The following INPP4B variants were observed in gnomAD, a reference collection of about 807,000 sequenced individuals.
INPP4B encodes the protein inositol polyphosphate-4-phosphatase type II B, also known as inositol polyphosphate 4-phosphatase type II.
In INPP4B, 55 loss-of-function variants were observed where a neutral mutation model predicts 122.5. That is an observed-to-expected ratio of 0.45 (90% CI 0.36 to 0.56). The LOEUF (loss-of-function observed/expected upper bound fraction) is 0.56. Among genes scored for constraint, INPP4B ranks in the 20% least tolerant of loss-of-function variants. The pLI is 0.00. For synonymous variants in INPP4B, 403 were observed against 388.7 expected, an observed-to-expected ratio of 1.04 and a Z score of -0.43; for missense variants, 1,000 against 1,097.7, an observed-to-expected ratio of 0.91 and a Z score of 1.26.
chr4:142,300,432 G>A (rs1760909131), intron 9 of INPP4B, among the ~76,000 whole-genome samples: 1 of 152,098 alleles, frequency 6.6e-6, no homozygotes, highest in Admixed American at 6.6e-5. Flanking sequence ...TGAACTTTGT[G>A]TATGTTCATG....
intron 7 of INPP4B, among the ~76,000 whole-genome samples, chr4:142,385,339 T>A (rs1795604301): frequency 6.6e-6 from 1 of 151,898 alleles, no homozygotes; most frequent in South Asian, 2.1e-4. Flanking sequence ...TGATTTTGAT[T>A]TGTATTCTCT....
intron 2 of INPP4B, among the ~76,000 whole-genome samples, chr4:142,675,649 ACAAT>A (rs1757653441): frequency 1.3e-5 from 2 of 152,196 alleles, no homozygotes; most frequent in Non-Finnish European, 2.9e-5. Flanking sequence ...CTTATCCACC[ACAAT>A]CAAGTCAGCT....
intron 2 of INPP4B, among the ~76,000 whole-genome samples, chr4:142,521,142 A>G (rs1826018440): frequency 6.6e-6 from 1 of 151,986 alleles, no homozygotes; most frequent in Non-Finnish European, 1.5e-5. Context: ...AGAGATGAAA[A>G]ATATAATCAG....
chr4:142,099,516 T>C (rs1246653007), intron 23 of INPP4B, among the ~76,000 whole-genome samples: 2 of 152,298 alleles, frequency 1.3e-5, no homozygotes, highest in African/African-American at 4.8e-5. Flanking sequence ...TTTATTACTA[T>C]GTAATAGTCT....
intron 1 of INPP4B, among the ~76,000 whole-genome samples, chr4:142,819,139 A>T (rs1208818483): frequency 6.6e-6 from 1 of 152,166 alleles, no homozygotes. Flanking sequence ...GGGTAGAAAC[A>T]CTTGGGGTAA....
chr4:142,414,467 G>T (rs1805267852), intron 5 of INPP4B, among the ~76,000 whole-genome samples: 1 of 152,140 alleles, frequency 6.6e-6, no homozygotes, highest in Admixed American at 6.6e-5. Context: ...GTGCTCTTGG[G>T]AAATGCTCTT....
chr4:142,051,231 C>T (rs1560944754), intron 25 of INPP4B, among the ~76,000 whole-genome samples: 1 of 151,990 alleles, frequency 6.6e-6, no homozygotes, highest in Non-Finnish European at 1.5e-5. Context: ...ACATTGAATA[C>T]TTTCATTAAA....
Position 142,095,221 on chromosome 4 carries a change from T to C in INPP4B, c.2375-8965A>G, listed in dbSNP as rs181184685. 3.0e-3 allele frequency among the ~76,000 whole-genome samples: 453 copies of C among 152,184 alleles called. 3 individuals are homozygous for C. Among genetic ancestry groups the C allele is most frequent in the Non-Finnish European group, 5.3e-3 (360 of 67,992 alleles). The stretch of plus-strand genomic sequence containing the variant: ...ATGCAGAATTGGGAGAATGATAAAA[T>C]AAAGGCTGAAGAAAAAGTGGACTGG... On this transcript the variant is annotated intron_variant, in intron 23 of 25. Transcript: ENST00000262992.
chr4:142,381,801 C>T (rs566100557), intron 7 of INPP4B, among the ~76,000 whole-genome samples: 35 of 151,984 alleles, frequency 2.3e-4, no homozygotes, highest in Non-Finnish European at 4.4e-4. Flanking sequence ...TTAAATAACC[C>T]GTTCTTTACC....
intron 2 of INPP4B, among the ~76,000 whole-genome samples, chr4:142,576,261 G>A (rs1733821235): frequency 1.3e-5 from 2 of 151,866 alleles, no homozygotes; most frequent in Admixed American, 1.3e-4. Flanking sequence ...AATTGTAAAG[G>A]GCAGAAATAA....
intron 2 of INPP4B, among the ~76,000 whole-genome samples, chr4:142,608,931 T>C (rs181577369): frequency 4.6e-5 from 7 of 152,258 alleles, no homozygotes; most frequent in Non-Finnish European, 1.0e-4. Flanking sequence ...ATGTGTATAT[T>C]TGAATCTTCA....
At chr4:142,651,016 A>G (rs1310526312) in intron 2 of INPP4B, among the ~76,000 whole-genome samples, 7 of 152,198 alleles carry the variant, frequency 4.6e-5, no homozygotes, top group Non-Finnish European at 8.8e-5. Context: ...ATCACAACAA[A>G]CAGTCTCTCA....
At chr4:142,151,366 T>C (rs1348557795) in intron 17 of INPP4B, among the ~76,000 whole-genome samples, 2 of 151,984 alleles carry the variant, frequency 1.3e-5, no homozygotes, top group Admixed American at 1.3e-4. Context: ...ATCCACCAGA[T>C]GAGATTCCCT....
intron 1 of INPP4B, among the ~76,000 whole-genome samples, chr4:142,841,664 A>G (rs1783507109): frequency 6.6e-6 from 1 of 151,932 alleles, no homozygotes; most frequent in Admixed American, 6.6e-5. Flanking sequence ...TTTGAGAAAC[A>G]TAAAAATCTC....
At chr4:142,140,785 C>A (rs1214049689) in intron 18 of INPP4B, among the ~76,000 whole-genome samples, 1 of 151,982 alleles carries the variant, frequency 6.6e-6, no homozygotes, top group African/African-American at 2.4e-5. Context: ...TCTTTAGAAG[C>A]CTGAAGGATA....
chr4:142,602,952 A>G (rs1740375888), intron 2 of INPP4B, among the ~76,000 whole-genome samples: 1 of 152,194 alleles, frequency 6.6e-6, no homozygotes, highest in South Asian at 2.1e-4. Flanking sequence ...AAAGACATGA[A>G]TCGACCTAAA....
chr4:142,792,006 C>A (rs1309841182), intron 1 of INPP4B, among the ~76,000 whole-genome samples: 1 of 152,092 alleles, frequency 6.6e-6, no homozygotes, highest in African/African-American at 2.4e-5. Flanking sequence ...TAAAGTTGAT[C>A]AAATTCTTAA....
intron 2 of INPP4B, among the ~76,000 whole-genome samples, chr4:142,658,768 G>T (rs937111542): frequency 6.6e-6 from 1 of 152,002 alleles, no homozygotes; most frequent in Non-Finnish European, 1.5e-5. Context: ...GGGGAAACTG[G>T]TCTCATACCT....
chr4:142,106,626 A>G (rs1787261716), intron 23 of INPP4B, among the ~76,000 whole-genome samples: 1 of 152,164 alleles, frequency 6.6e-6, no homozygotes, highest in Non-Finnish European at 1.5e-5. Context: ...GAAAGTCCTC[A>G]CAGACTTTGC....
Sources: gnomAD v4.1 joint callset for allele counts (sites outside exome capture counted in the v4.1 genomes callset) on GRCh38, gnomAD v4.1.1 for gene constraint, MANE v1.5 for transcripts, NCBI Gene and HGNC (gene_info 2026-07-23, HGNC 2026-07-21) for gene names.